Variants in ZBTB17 observed in about 807,000 individuals in gnomAD.
ZBTB17 encodes zinc finger and BTB domain-containing protein 17.
Under a neutral mutation model 85.1 loss-of-function variants are expected in ZBTB17, and 24 were observed. The ratio of observed to expected loss-of-function variants is 0.28; its 90% confidence interval spans 0.20 to 0.40. The LOEUF is 0.40. Among genes scored for constraint, ZBTB17 ranks in the 10% least tolerant of loss-of-function variants. The pLI is 1.00. For missense variants in ZBTB17, 743 were observed against 1,105.1 expected (o/e 0.67, Z 4.65); for synonymous variants, 464 against 460.2 (o/e 1.01, Z -0.11).
intron 2 of ZBTB17, among the ~76,000 whole-genome samples, chr1:15,950,505 C>A (rs1328147225): frequency 6.6e-6 from 1 of 152,222 alleles, no homozygotes; most frequent in Non-Finnish European, 1.5e-5. Context: ...TTGCTAGTCA[C>A]CCCCTACATA....
rs773073166 is a variant in ZBTB17, at chr1:15,945,722, C to T, written c.654G>A (p.Ser218=). 52 of 1,606,910 alleles carry T rather than the reference C, an allele frequency of 3.2e-5. No individual in the cohort carries two copies. Among genetic ancestry groups the T allele is most frequent in the East Asian group, 1.1e-4 (5 of 44,858 alleles). ...CTGGCTGGGCGGGGCTACCTTGCTC[C>T]GAGCTCTCGGACAAAGCGGCCTCAG... ...AEAEAALSES[S]EQEMEVEPAR... The change falls in exon 6 of 16, where the codon TCG becomes TCA. Residue 218 remains serine, a synonymous_variant. Transcript: ENST00000375743.
Position 15,942,670 on chromosome 1 carries a change from C to A in ZBTB17, c.1897G>T (p.Val633Leu), listed in dbSNP as rs2071412811. 6.2e-7 allele frequency: 1 copy of A among 1,613,582 alleles called. No individual in the cohort carries two copies. Among genetic ancestry groups the A allele is most frequent in the Admixed American group, 1.7e-5 (1 of 60,000 alleles). ...GCCTTGCCCTGGTGCACGGTCTTCA[C>A]GTGGGAGCGCAGGTTGTCTACCCGG... ...FNRVDNLRSHVKTVHQGKAGI... is the reference protein window; with the variant it reads ...FNRVDNLRSHLKTVHQGKAGI... The change falls in exon 14 of 16, where the codon GTG (valine) becomes TTG (leucine). Residue 633 changes from valine (V) to leucine (L), a missense_variant. Val to Leu is a conservative substitution (Grantham distance 32). Coordinates refer to ENST00000375743, the MANE Select transcript of ZBTB17 (RefSeq NM_003443.3).
Position 15,948,317 on chromosome 1 carries a change from A to G in ZBTB17, c.179T>C (p.Val60Ala). 1 of 1,613,902 alleles carries G rather than the reference A, an allele frequency of 6.2e-7. No homozygotes were observed. The highest frequency in any genetic ancestry group is 8.5e-7 in the Non-Finnish European group (1 of 1,180,044). The stretch of plus-strand genomic sequence containing the variant: ...TGCCGCGTTACTGATGTCCAGGTGC[A>G]CCACGTCCTTCTGGTCCACGAAGAG... ...KMLFVDQKDV[V>A]HLDISNAAGL... The change falls in exon 3 of 16, where the codon GTG (valine) becomes GCG (alanine). Residue 60 changes from valine (V) to alanine (A), a missense_variant. Physicochemically the swap from Val to Ala is moderately conservative, Grantham distance 64. Coordinates refer to ENST00000375743, the MANE Select transcript of ZBTB17 (RefSeq NM_003443.3).
Position 15,944,623 on chromosome 1 carries a change from G to A in ZBTB17, c.1071-23C>T, listed in dbSNP as rs146594407. The A allele has an allele frequency of 2.6e-3, 4,129 of 1,600,174 alleles. 97 individuals carry two copies. The African/African-American group carries it at 0.049, about 19-fold the overall frequency. Reference sequence around the variant, plus strand: ...GGGCTGCAGGGCCAGAAGGCGACAGGAGGCAGGGCTCGCTGGGGCGTGAAA... The same window carrying A: ...GGGCTGCAGGGCCAGAAGGCGACAGAAGGCAGGGCTCGCTGGGGCGTGAAA... On this transcript the variant is annotated intron_variant, in intron 8 of 15. Transcript: ENST00000375743.
At position 15,951,125 on chromosome 1, in the gene ZBTB17, C is replaced by T. The variant is rs1025593867; in HGVS notation, c.-2-2628G>A. On this transcript the variant is annotated intron_variant, in intron 2 of 15. Coordinates refer to ENST00000375743, the MANE Select transcript of ZBTB17 (RefSeq NM_003443.3). The surrounding 1 kb of genome is among the most constrained non-coding windows in gnomAD (Gnocchi z 4.1). Reference sequence around the variant, plus strand: ...CTGCACTTTTCCAATGCAAGATGCCCGCCCAGAAGTGGGCTCCTCCCACAC... The same window carrying T: ...CTGCACTTTTCCAATGCAAGATGCCTGCCCAGAAGTGGGCTCCTCCCACAC... 1.3e-5 allele frequency among the ~76,000 whole-genome samples: 2 copies of T among 152,192 alleles called. No homozygotes were observed. Among genetic ancestry groups the T allele is most frequent in the Non-Finnish European group, 1.5e-5 (1 of 68,038 alleles).
At chr1:15,950,928 C>CTGGA (rs925834905) in intron 2 of ZBTB17, among the ~76,000 whole-genome samples, 1 of 152,146 alleles carries the variant, frequency 6.6e-6, no homozygotes, top group African/African-American at 2.4e-5. Flanking sequence ...TGTCCTGGGA[C>CTGGA]TGGATGGATG....
rs1189437103 is a variant in ZBTB17, at chr1:15,944,606, G to C, written c.1071-6C>G. 3.1e-6 allele frequency: 5 copies of C among 1,599,714 alleles called. No individual in the cohort carries two copies. Among genetic ancestry groups the C allele is most frequent in the Non-Finnish European group, 4.2e-6 (5 of 1,179,562 alleles). ...AGCCGTAGGGCTTCAGAGGGCTGCAGGGCCAGAAGGCGACAGGAGGCAGGG... is the reference window on the plus strand; with the variant it reads ...AGCCGTAGGGCTTCAGAGGGCTGCACGGCCAGAAGGCGACAGGAGGCAGGG... On this transcript the variant is annotated splice_region_variant and splice_polypyrimidine_tract_variant and intron_variant, in intron 8 of 15. Coordinates refer to ENST00000375743, the MANE Select transcript of ZBTB17 (RefSeq NM_003443.3).
intron 2 of ZBTB17, chr1:15,969,641 C>G: frequency 2.2e-6 from 1 of 447,526 alleles, no homozygotes; most frequent in Non-Finnish European, 4.5e-6. Context: ...GATAAATTGA[C>G]CATTATCTCA....
rs545457720 is a variant in ZBTB17 at position 15,952,373 on chromosome 1, T to C, written c.-2-3876A>G. ...ACTGGGGAACAAAAAAGTGAGGCACTGAGGACACCTGCAGTGTGAGTCCGG... is the reference window on the plus strand; with the variant it reads ...ACTGGGGAACAAAAAAGTGAGGCACCGAGGACACCTGCAGTGTGAGTCCGG... On this transcript the variant is annotated intron_variant, in intron 2 of 15. Coordinates refer to ENST00000375743, the MANE Select transcript of ZBTB17 (RefSeq NM_003443.3). The surrounding 1 kb of genome is among the most constrained non-coding windows in gnomAD (Gnocchi z 4.3). Among the ~76,000 whole-genome samples the C allele has an allele frequency of 1.3e-5, 2 of 152,322 alleles. No individual in the cohort carries two copies. The highest frequency in any genetic ancestry group is 4.8e-5 in the African/African-American group (2 of 41,574).
chr1:15,971,305 ATC>A (rs1052425537), intron 2 of ZBTB17, among the ~76,000 whole-genome samples: 20 of 149,042 alleles, frequency 1.3e-4, no homozygotes, highest in East Asian at 1.9e-4. Context: ...GGTGGGGGAA[ATC>A]TCTCTCTCTC....
At position 15,953,130 on chromosome 1, in the gene ZBTB17, A is replaced by G. The variant is rs1011058229; in HGVS notation, c.-2-4633T>C. 6.6e-6 allele frequency among the ~76,000 whole-genome samples: 1 copy of G among 152,070 alleles called. No homozygotes were observed. The highest frequency in any genetic ancestry group is 2.4e-5 in the African/African-American group (1 of 41,400). On this transcript the variant is annotated intron_variant, in intron 2 of 15. Transcript: ENST00000375743. The surrounding 1 kb of genome is among the most constrained non-coding windows in gnomAD (Gnocchi z 5.1). The stretch of plus-strand genomic sequence containing the variant: ...GATTTATTACTTAAACTAAATGTGT[A>G]TATTTCATATACATTTACATGAAAA...
In ZBTB17 at chr1:15,945,804, T is replaced by C; in HGVS notation, c.572A>G (p.Glu191Gly). The C allele has an allele frequency of 6.2e-7, 1 of 1,603,040 alleles. No homozygotes were observed. The highest frequency in any genetic ancestry group is 8.5e-7 in the Non-Finnish European group (1 of 1,178,796). ...EQTEKADAPR[E>G]PPPVELKPDP... The stretch of plus-strand genomic sequence containing the variant: ...TGGCTTGAGCTCCACAGGCGGCGGC[T>C]CCCGGGGCGCATCGGCTTTCTCTGT... Residue 191 changes from glutamate to glycine, a missense_variant, in exon 6 of 16, where the codon GAG becomes GGG. By Grantham distance (98) the Glu-to-Gly change is moderately conservative. This residue lies in a region of ZBTB17 where 279 missense variants were observed against 269.9 expected (regional missense o/e 1.03). Transcript: ENST00000375743.
intron 2 of ZBTB17, among the ~76,000 whole-genome samples, chr1:15,961,302 A>G (rs531266670): frequency 1.1e-4 from 16 of 152,364 alleles, no homozygotes; most frequent in East Asian, 3.9e-4. Context: ...TCCAACTATG[A>G]ACATTAACTG....
chr1:15,945,872 C>T, intron 5 of ZBTB17, 32 bp from the exon 6 acceptor site: 1 of 1,575,942 alleles, frequency 6.3e-7, no homozygotes, highest in Non-Finnish European at 8.6e-7. Flanking sequence ...GGCTGGATTG[C>T]TACCCTCTGC....
In ZBTB17 at chr1:15,951,102, G is replaced by A. The variant is rs2071818093; in HGVS notation, c.-2-2605C>T. Among the ~76,000 whole-genome samples the A allele has an allele frequency of 6.6e-6, 1 of 152,230 alleles. No homozygotes were observed. The highest frequency in any genetic ancestry group is 2.4e-5 in the African/African-American group (1 of 41,464). ...AGCAACATTTTCCACCGTGCTGACT[G>A]CACTTTTCCAATGCAAGATGCCCGC... On this transcript the variant is annotated intron_variant, in intron 2 of 15. Transcript: ENST00000375743. The surrounding 1 kb of genome is among the most constrained non-coding windows in gnomAD (Gnocchi z 4.1).
chr1:15,975,390 C>T (rs2072830885), intron 1 of ZBTB17, among the ~76,000 whole-genome samples: 1 of 152,252 alleles, frequency 6.6e-6, no homozygotes, highest in African/African-American at 2.4e-5. Context: ...CCACGGTTCA[C>T]ACTCCTAACT....
At position 15,942,002 on chromosome 1, in the gene ZBTB17, A is replaced by G. The variant is rs745859228; in HGVS notation, c.2379T>C (p.Pro793=). 2 of 1,604,152 alleles carry G rather than the reference A, an allele frequency of 1.2e-6. No individual in the cohort carries two copies. The highest frequency in any genetic ancestry group is 2.2e-5 in the South Asian group (2 of 90,986). The change falls in exon 16 of 16, where the codon CCT becomes CCC. Residue 793 remains proline (P), a synonymous_variant. Coordinates refer to ENST00000375743, the MANE Select transcript of ZBTB17 (RefSeq NM_003443.3). ...CAGGCGGGGGACATTCAGGAGCTGT[A>G]GGGGAGGTCTCTGCCAGTGCGGGCT... is the stretch of plus-strand genomic sequence containing the variant. ...EGQPALAETS[P]TAPECPPPAE
chr1:15,975,632 A>T (rs976949890), intron 1 of ZBTB17, among the ~76,000 whole-genome samples: 2 of 150,376 alleles, frequency 1.3e-5, no homozygotes, highest in Non-Finnish European at 3.0e-5. Flanking sequence ...TCGCGGCCGC[A>T]GAACGCCCAC....
At position 15,973,362 on chromosome 1, in the gene ZBTB17, A is replaced by C. The variant is rs1273714459; in HGVS notation, c.-89-237T>G. On this transcript the variant is annotated intron_variant, in intron 1 of 15. Transcript: ENST00000375743. The surrounding 1 kb of genome is among the most constrained non-coding windows in gnomAD (Gnocchi z 4.1). Reference sequence around the variant, plus strand: ...CCCTGCTCTCAAGAACTCCAGCTCAATAAGAGACAGGACACAATGTTAAGA... The same window carrying C: ...CCCTGCTCTCAAGAACTCCAGCTCACTAAGAGACAGGACACAATGTTAAGA... Among the ~76,000 whole-genome samples the C allele has an allele frequency of 6.6e-6, 1 of 152,216 alleles. No individual in the cohort carries two copies. The highest frequency in any genetic ancestry group is 1.5e-5 in the Non-Finnish European group (1 of 68,028).
Sources: allele counts gnomAD v4.1 joint callset (sites outside exome capture counted in the v4.1 genomes callset), GRCh38; gene constraint gnomAD v4.1.1; regional missense constraint gnomAD v4.1.1; non-coding constraint Gnocchi (gnomAD v3.1); transcripts MANE v1.5; gene names NCBI Gene and HGNC (gene_info 2026-07-23, HGNC 2026-07-21).